Variants in PACSIN2 observed in about 807,000 individuals in gnomAD.
The protein encoded by PACSIN2 is protein kinase C and casein kinase substrate in neurons 2.
Under a neutral mutation model 63.8 loss-of-function variants are expected in PACSIN2, and 25 were observed. The observed-to-expected ratio is 0.39, with a 90% CI of 0.29 to 0.55. The LOEUF (loss-of-function observed/expected upper bound fraction) is 0.55, where lower values mean the gene tolerates loss of function less well. PACSIN2 is among the 20% of genes least tolerant of loss of function. The probability of loss-of-function intolerance (pLI) is 0.62; values close to 1 mark genes in which losing one functional copy is unlikely to be tolerated. For missense variants in PACSIN2, 518 were observed against 646.9 expected, an observed-to-expected ratio of 0.80 and a Z score of 2.16; for synonymous variants, 255 against 256.2, an observed-to-expected ratio of 1.00 and a Z score of 0.05.
chr22:42,976,282 C>A (rs1921696630), intron 1 of PACSIN2, among the ~76,000 whole-genome samples: 1 of 152,210 alleles, frequency 6.6e-6, no homozygotes. Flanking sequence ...TCTTCCCAGC[C>A]CAACCCCAGG....
intron 1 of PACSIN2, among the ~76,000 whole-genome samples, chr22:42,950,643 C>G (rs115387484): frequency 6.6e-6 from 1 of 152,184 alleles, no homozygotes; most frequent in Admixed American, 6.5e-5. Flanking sequence ...TAACATTCAA[C>G]GCCATAAGTA....
intron 2 of PACSIN2, among the ~76,000 whole-genome samples, chr22:42,895,118 C>T (rs555592739): frequency 1.3e-5 from 2 of 152,318 alleles, no homozygotes; most frequent in South Asian, 2.1e-4. Context: ...CAAAGACCTC[C>T]CCCAGCAAGG....
chr22:42,949,226 A>G (rs1933569351), intron 1 of PACSIN2, among the ~76,000 whole-genome samples: 1 of 152,194 alleles, frequency 6.6e-6, no homozygotes, highest in Non-Finnish European at 1.5e-5. Context: ...ACCTACACAG[A>G]GTAGGAATTT....
Position 42,998,937 on chromosome 22 carries a change from G to C in PACSIN2, c.-78+16084C>G, listed in dbSNP as rs143363776. Among the ~76,000 whole-genome samples the C allele has an allele frequency of 1.9e-3, 284 of 152,256 alleles. 1 individual carries two copies. Among genetic ancestry groups the C allele is most frequent in the African/African-American group, 6.4e-3 (265 of 41,534 alleles). Reference sequence around the variant, plus strand: ...GCAGAATGGCCAAACTCCAGGAAAAGATCACCTTCCCACTCCATCCCATCT... The same window carrying C: ...GCAGAATGGCCAAACTCCAGGAAAACATCACCTTCCCACTCCATCCCATCT... On this transcript the variant is annotated intron_variant, in intron 1 of 10. Coordinates refer to ENST00000263246, the MANE Select transcript of PACSIN2 (RefSeq NM_001184970.3).
intron 1 of PACSIN2, among the ~76,000 whole-genome samples, chr22:42,935,742 C>T (rs754200952): frequency 2.6e-5 from 4 of 152,006 alleles, no homozygotes; most frequent in African/African-American, 9.7e-5. Context: ...ACACTGGTCC[C>T]GAGGGAACAC....
intron 1 of PACSIN2, among the ~76,000 whole-genome samples, chr22:42,973,156 G>T (rs143195654): frequency 6.6e-6 from 1 of 152,306 alleles, no homozygotes; most frequent in African/African-American, 2.4e-5. Context: ...TATCCAAAAT[G>T]CCCTGCAACA....
intron 1 of PACSIN2, among the ~76,000 whole-genome samples, chr22:42,946,211 T>G (rs1188236810): frequency 6.6e-6 from 1 of 152,244 alleles, no homozygotes; most frequent in African/African-American, 2.4e-5. Context: ...GTGTTTAAAC[T>G]GCATGTGAGC....
Position 43,011,943 on chromosome 22 carries a change from G to A in PACSIN2, c.-78+3078C>T, listed in dbSNP as rs182280389. On this transcript the variant is annotated intron_variant, in intron 1 of 10. Transcript: ENST00000263246. ...AGGTGGATCACAAGGTCAGGAAATCGAGACCATACTGGCCAACACGGTGAA... is the reference window on the plus strand; with the variant it reads ...AGGTGGATCACAAGGTCAGGAAATCAAGACCATACTGGCCAACACGGTGAA... 2.7e-4 allele frequency among the ~76,000 whole-genome samples: 41 copies of A among 151,052 alleles called. No individual in the cohort carries two copies. In the East Asian group the frequency reaches 5.4e-3, roughly 20 times the overall value.
chr22:43,000,621 A>T (rs1375194816), intron 1 of PACSIN2, among the ~76,000 whole-genome samples: 1 of 152,180 alleles, frequency 6.6e-6, no homozygotes, highest in Non-Finnish European at 1.5e-5. Flanking sequence ...ACACCCAAAA[A>T]ACTTTAAGGA....
intron 3 of PACSIN2, among the ~76,000 whole-genome samples, chr22:42,892,858 A>G (rs1930009869): frequency 6.6e-6 from 1 of 152,204 alleles, no homozygotes; most frequent in African/African-American, 2.4e-5. Context: ...TCTGTGCCGG[A>G]AAGGCTGTAA....
intron 1 of PACSIN2, among the ~76,000 whole-genome samples, chr22:42,923,601 G>T (rs1601526607): frequency 6.6e-6 from 1 of 152,072 alleles, no homozygotes; most frequent in Non-Finnish European, 1.5e-5. Context: ...CTAATTTTTT[G>T]TATTTTTAGT....
intron 10 of PACSIN2, among the ~76,000 whole-genome samples, chr22:42,875,164 T>C (rs994121240): frequency 8.0e-6 from 1 of 124,240 alleles, no homozygotes. Context: ...TTTTTTTTTT[T>C]TTAAGAGATG....
Position 42,931,274 on chromosome 22 carries a change from C to T in PACSIN2, c.-77-19117G>A, listed in dbSNP as rs376883396. Among the ~76,000 whole-genome samples, 6 of 152,330 alleles carry T rather than the reference C, an allele frequency of 3.9e-5. No homozygotes were observed. The East Asian group carries it at 7.7e-4, about 20-fold the overall frequency. On this transcript the variant is annotated intron_variant, in intron 1 of 10. Coordinates refer to ENST00000263246, the MANE Select transcript of PACSIN2 (RefSeq NM_001184970.3). ...CAAACCAGCTGGGTAACCAGGGGCACGTTACTTAACCTTCCTGAACCTTAG... is the reference window on the plus strand; with the variant it reads ...CAAACCAGCTGGGTAACCAGGGGCATGTTACTTAACCTTCCTGAACCTTAG...
At chr22:43,009,922 T>G (rs950780418) in intron 1 of PACSIN2, among the ~76,000 whole-genome samples, 2 of 146,116 alleles carry the variant, frequency 1.4e-5, no homozygotes, top group Admixed American at 7.1e-5. Context: ...AAGGCTGGAG[T>G]GCAGTGGCAC....
At chr22:42,963,242 TA>T (rs1172747767) in intron 1 of PACSIN2, among the ~76,000 whole-genome samples, 1 of 152,130 alleles carries the variant, frequency 6.6e-6, no homozygotes, top group Non-Finnish European at 1.5e-5. Context: ...TGCAAATAAA[TA>T]AAATGAGGGA....
chr22:43,012,159 ATACATACATACATACATAC>A (rs1569380086), intron 1 of PACSIN2, among the ~76,000 whole-genome samples: 10 of 78,802 alleles, frequency 1.3e-4, no homozygotes, highest in African/African-American at 5.7e-4. Context: ...AAATAAATAC[ATACATACATACATACATAC>A]ATACATACAT....
intron 1 of PACSIN2, among the ~76,000 whole-genome samples, chr22:42,979,872 T>C (rs891514221): frequency 6.6e-6 from 1 of 152,252 alleles, no homozygotes; most frequent in African/African-American, 2.4e-5. Context: ...AACACGTTTG[T>C]CTGCAAACCC....
intron 1 of PACSIN2, among the ~76,000 whole-genome samples, chr22:42,986,547 G>A (rs1297050233): frequency 2.0e-5 from 3 of 152,138 alleles, no homozygotes; most frequent in African/African-American, 4.8e-5. Context: ...GGCCTTTTGG[G>A]GCCCTGCACG....
At chr22:43,013,332 T>A (rs1924625985) in intron 1 of PACSIN2, among the ~76,000 whole-genome samples, 1 of 152,212 alleles carries the variant, frequency 6.6e-6, no homozygotes. Flanking sequence ...AAGCTTTAAG[T>A]CTATTGTCAA....
Sources: allele counts gnomAD v4.1 joint callset (sites outside exome capture counted in the v4.1 genomes callset), GRCh38; gene constraint gnomAD v4.1.1; transcripts MANE v1.5; gene names NCBI Gene and HGNC (gene_info 2026-07-23, HGNC 2026-07-21).